The following PEX14 variants were observed in gnomAD, a reference collection of about 807,000 sequenced individuals.
PEX14 encodes peroxisomal biogenesis factor 14, also known as peroxisomal membrane protein PEX14.
A neutral mutation model predicts 49.5 loss-of-function variants in PEX14; 15 were observed. The observed-to-expected ratio is 0.30, with a 90% CI of 0.20 to 0.47. PEX14 has a LOEUF of 0.47. Among genes scored for constraint, PEX14 ranks in the 20% least tolerant of loss-of-function variants. The pLI, the probability that PEX14 is intolerant of heterozygous loss-of-function variation, is 1.00. For synonymous variants in PEX14, 210 were observed against 212.7 expected, an observed-to-expected ratio of 0.99 and a Z score of 0.11; for missense variants, 398 against 494.8, an observed-to-expected ratio of 0.80 and a Z score of 1.86.
At chr1:10,482,037 C>T (rs929764947) in intron 1 of PEX14, among the ~76,000 whole-genome samples, 1 of 152,104 alleles carries the variant, frequency 6.6e-6, no homozygotes, top group East Asian at 1.9e-4. Context: ...GTTGCCCAGG[C>T]TGGTCTTGAA....
At chr1:10,526,770 CA>C (rs1429119902) in intron 2 of PEX14, among the ~76,000 whole-genome samples, 1 of 152,064 alleles carries the variant, frequency 6.6e-6, no homozygotes, top group African/African-American at 2.4e-5. Flanking sequence ...GTCATGTTGG[CA>C]CTCAAAAAGT....
chr1:10,591,046 A>G (rs537516781), intron 3 of PEX14, among the ~76,000 whole-genome samples: 1 of 152,328 alleles, frequency 6.6e-6, no homozygotes, highest in East Asian at 1.9e-4. Context: ...TTTGTGTCTT[A>G]TAGTGGAGTT....
At chr1:10,605,442 A>G (rs1269048602) in intron 4 of PEX14, among the ~76,000 whole-genome samples, 2 of 152,204 alleles carry the variant, frequency 1.3e-5, no homozygotes, top group Non-Finnish European at 2.9e-5. Context: ...TTTGAGAACA[A>G]AGGAAATTCC....
intron 2 of PEX14, among the ~76,000 whole-genome samples, chr1:10,524,245 T>A (rs571456690): frequency 6.6e-6 from 1 of 152,360 alleles, no homozygotes; most frequent in African/African-American, 2.4e-5. Flanking sequence ...GGATGAGGGA[T>A]GTTTCAGGAA....
At chr1:10,487,916 G>A (rs911395347) in intron 1 of PEX14, among the ~76,000 whole-genome samples, 1 of 151,986 alleles carries the variant, frequency 6.6e-6, no homozygotes, top group African/African-American at 2.4e-5. Flanking sequence ...GAGTAGCTGG[G>A]ATTACAGGCA....
At chr1:10,601,029 A>AGGCG (rs1640969559) in intron 4 of PEX14, among the ~76,000 whole-genome samples, 3 of 152,210 alleles carry the variant, frequency 2.0e-5, no homozygotes, top group Admixed American at 2.0e-4. Context: ...TGGGAGGCCA[A>AGGCG]GGCGGGCGGA....
chr1:10,586,764 C>T (rs557512392), intron 3 of PEX14, among the ~76,000 whole-genome samples: 6 of 151,544 alleles, frequency 4.0e-5, no homozygotes, highest in South Asian at 2.1e-4. Context: ...CTCAGCCTCC[C>T]GAGTAGCTGG....
Position 10,628,930 on chromosome 1 carries a change from G to A in PEX14, c.678-601G>A, listed in dbSNP as rs1468779255. Among the ~76,000 whole-genome samples the A allele has an allele frequency of 2.0e-5, 3 of 152,232 alleles. No homozygotes were observed. Among genetic ancestry groups the A allele is most frequent in the African/African-American group, 7.2e-5 (3 of 41,460 alleles). On this transcript the variant is annotated intron_variant, in intron 8 of 8. Transcript: ENST00000356607. The surrounding 1 kb of genome is among the most constrained non-coding windows in gnomAD (Gnocchi z 4.5). ...TTGGGCTGGCTGCTGGCCCAGGAACGGAGTACGGAGCAGAAGGGAGAGCTG... is the reference window on the plus strand; with the variant it reads ...TTGGGCTGGCTGCTGGCCCAGGAACAGAGTACGGAGCAGAAGGGAGAGCTG...
chr1:10,477,001 C>T (rs2124361854), intron 1 of PEX14, among the ~76,000 whole-genome samples: 1 of 152,200 alleles, frequency 6.6e-6, no homozygotes. Flanking sequence ...CTCCTTTGCC[C>T]TCCTTTCCAA....
intron 1 of PEX14, among the ~76,000 whole-genome samples, chr1:10,477,504 C>T (rs1641216301): frequency 6.6e-6 from 1 of 152,232 alleles, no homozygotes; most frequent in Admixed American, 6.5e-5. Flanking sequence ...TCCCATTTCT[C>T]CGATTAAAGC....
chr1:10,589,605 G>C (rs1392939731), intron 3 of PEX14, among the ~76,000 whole-genome samples: 1 of 151,802 alleles, frequency 6.6e-6, no homozygotes, highest in Admixed American at 6.6e-5. Context: ...AGAGATGGGG[G>C]TCTCACTATG....
chr1:10,537,469 A>T (rs1233025735), intron 3 of PEX14, among the ~76,000 whole-genome samples: 3 of 151,826 alleles, frequency 2.0e-5, no homozygotes, highest in Non-Finnish European at 2.9e-5. Flanking sequence ...GGGAGTAATT[A>T]ATCATAAAAG....
chr1:10,526,231 T>C (rs1638478347), intron 2 of PEX14, among the ~76,000 whole-genome samples: 1 of 151,070 alleles, frequency 6.6e-6, no homozygotes, highest in Non-Finnish European at 1.5e-5. Context: ...ATTTTTTTTT[T>C]TTTTTTTTGA....
chr1:10,476,335 A>G (rs1351138533), intron 1 of PEX14, among the ~76,000 whole-genome samples: 1 of 152,216 alleles, frequency 6.6e-6, no homozygotes, highest in Non-Finnish European at 1.5e-5. Flanking sequence ...TCTCACTGTC[A>G]GGTGTTCTGG....
rs964663101 is a variant in PEX14 at position 10,494,335 on chromosome 1, G to A, written c.37-939G>A. On this transcript the variant is annotated intron_variant, in intron 1 of 8. Transcript: ENST00000356607. The surrounding 1 kb of genome is among the most constrained non-coding windows in gnomAD (Gnocchi z 4.3). Reference sequence around the variant, plus strand: ...AATGGAGGCTGCAGGCTGTCTCCTGGGACACACAGATTTTGCTGCACTTGT... The same window carrying A: ...AATGGAGGCTGCAGGCTGTCTCCTGAGACACACAGATTTTGCTGCACTTGT... Among the ~76,000 whole-genome samples, 1 of 152,170 alleles carries A rather than the reference G, an allele frequency of 6.6e-6. No individual in the cohort carries two copies. The highest frequency in any genetic ancestry group is 2.4e-5 in the African/African-American group (1 of 41,444).
At chr1:10,525,390 A>G (rs1638443276) in intron 2 of PEX14, among the ~76,000 whole-genome samples, 1 of 151,972 alleles carries the variant, frequency 6.6e-6, no homozygotes, top group South Asian at 2.1e-4. Context: ...TGTGTTTCAC[A>G]CTTTGTGTTG....
chr1:10,600,820 A>G (rs1452047463), intron 4 of PEX14, among the ~76,000 whole-genome samples: 1 of 152,142 alleles, frequency 6.6e-6, no homozygotes, highest in Non-Finnish European at 1.5e-5. Context: ...TTTGCAAAAA[A>G]TGATTTAAAA....
intron 3 of PEX14, among the ~76,000 whole-genome samples, chr1:10,541,318 C>T (rs1276751135): frequency 6.6e-6 from 1 of 152,108 alleles, no homozygotes; most frequent in African/African-American, 2.4e-5. Flanking sequence ...TGAGAGCTAC[C>T]AGGGGAGACA....
rs552834826 is a variant in PEX14 at position 10,496,776 on chromosome 1, A to C, written c.84+1455A>C. 4.3e-3 allele frequency among the ~76,000 whole-genome samples: 644 copies of C among 151,374 alleles called. 2 individuals are homozygous for C. The highest frequency in any genetic ancestry group is 7.9e-3 in the Non-Finnish European group (537 of 67,856). On this transcript the variant is annotated intron_variant, in intron 2 of 8. Coordinates refer to ENST00000356607, the MANE Select transcript of PEX14 (RefSeq NM_004565.3). ...CTGCTTGTTGGTTGGTTGTATTTTT[A>C]TTTCTTTCTTTTCTGGGAGGCCCTG...
Sources: gnomAD v4.1 joint callset for allele counts (sites outside exome capture counted in the v4.1 genomes callset) on GRCh38, gnomAD v4.1.1 for gene constraint, Gnocchi (gnomAD v3.1) non-coding constraint, MANE v1.5 for transcripts, NCBI Gene and HGNC (gene_info 2026-07-23, HGNC 2026-07-21) for gene names.